EPHA6: variants seen among roughly 807,000 people sequenced by gnomAD.
EPHA6 encodes the protein ephrin type-A receptor 6.
A neutral mutation model predicts 112.0 loss-of-function variants in EPHA6; 50 were observed. The ratio of observed to expected loss-of-function variants is 0.45; its 90% CI spans 0.36 to 0.56. The LOEUF is 0.56. EPHA6 is among the 20% of genes least tolerant of loss of function. The probability of loss-of-function intolerance (pLI) is 0.00; values close to 1 mark genes in which losing one functional copy is unlikely to be tolerated. For missense variants in EPHA6, 1,280 were observed against 1,417.4 expected, an observed-to-expected ratio of 0.90 and a Z score of 1.56; for synonymous variants, 529 against 490.7, an observed-to-expected ratio of 1.08 and a Z score of -1.03.
chr3:96,915,013 G>A (rs546582967), intron 2 of EPHA6, among the ~76,000 whole-genome samples: 3 of 148,360 alleles, frequency 2.0e-5, no homozygotes, highest in Non-Finnish European at 4.4e-5. Flanking sequence ...AAATACTACT[G>A]TGATATTATT....
intron 3 of EPHA6, among the ~76,000 whole-genome samples, chr3:97,087,146 GA>G (rs1355841064): frequency 6.6e-6 from 1 of 152,134 alleles, no homozygotes; most frequent in Non-Finnish European, 1.5e-5. Context: ...TGGCCTAGAA[GA>G]GCAAGGATTC....
intron 3 of EPHA6, among the ~76,000 whole-genome samples, chr3:97,094,146 T>C (rs2047163549): frequency 6.6e-6 from 1 of 152,162 alleles, no homozygotes; most frequent in Non-Finnish European, 1.5e-5. Context: ...AAGTTTCTTT[T>C]ATTCCCTGTT....
chr3:97,602,131 T>TA (rs976844447), intron 12 of EPHA6, among the ~76,000 whole-genome samples: 16 of 152,160 alleles, frequency 1.1e-4, no homozygotes, highest in Non-Finnish European at 1.9e-4. Context: ...ATATGCCTCT[T>TA]ACAACTGAAA....
chr3:97,572,561 G>A (rs960218697), intron 11 of EPHA6: 4 of 152,082 alleles, frequency 2.6e-5, no homozygotes, highest in African/African-American at 9.7e-5. Flanking sequence ...TGAGCCCTTG[G>A]TTTGGTAATA....
intron 6 of EPHA6, among the ~76,000 whole-genome samples, chr3:97,435,876 A>T (rs1201237095): frequency 6.6e-6 from 1 of 152,110 alleles, no homozygotes. Flanking sequence ...GCCTTGAATT[A>T]CTCTACTCGC....
chr3:97,157,642 T>G (rs917678900), intron 3 of EPHA6, among the ~76,000 whole-genome samples: 2 of 152,034 alleles, frequency 1.3e-5, no homozygotes, highest in African/African-American at 4.8e-5. Context: ...GCCTATAGTG[T>G]AAATTCCAGT....
At chr3:96,948,706 T>C (rs1231947009) in intron 2 of EPHA6, among the ~76,000 whole-genome samples, 1 of 152,190 alleles carries the variant, frequency 6.6e-6, no homozygotes, top group Non-Finnish European at 1.5e-5. Context: ...TGTACGTATA[T>C]AGCAGATCTA....
intron 3 of EPHA6, among the ~76,000 whole-genome samples, chr3:96,995,340 G>A (rs986929646): frequency 2.6e-5 from 4 of 152,018 alleles, no homozygotes; most frequent in African/African-American, 9.7e-5. Context: ...CAGAAAAAAA[G>A]GGCAGATTTA....
At chr3:97,285,757 T>G (rs914545416) in intron 5 of EPHA6, among the ~76,000 whole-genome samples, 1 of 152,098 alleles carries the variant, frequency 6.6e-6, no homozygotes, top group Non-Finnish European at 1.5e-5. Context: ...TGCTACATCC[T>G]ATGGTAGTTC....
At chr3:97,137,428 C>T (rs1157456109) in intron 3 of EPHA6, among the ~76,000 whole-genome samples, 5 of 152,086 alleles carry the variant, frequency 3.3e-5, no homozygotes, top group African/African-American at 9.7e-5. Flanking sequence ...GAACAAATTA[C>T]TCTGCCTTTA....
chr3:97,462,163 G>A (rs141843579), intron 7 of EPHA6, among the ~76,000 whole-genome samples: 188 of 152,190 alleles, frequency 1.2e-3, no homozygotes, highest in African/African-American at 4.3e-3. Flanking sequence ...TTGTGCCTCA[G>A]TTTCTCCATC....
At chr3:97,728,919 T>A (rs1282175739) in intron 15 of EPHA6, among the ~76,000 whole-genome samples, 1 of 152,168 alleles carries the variant, frequency 6.6e-6, no homozygotes, top group Non-Finnish European at 1.5e-5. Flanking sequence ...CCTCATTTTG[T>A]CCACTCATTT....
chr3:96,893,455 T>C (rs1406547811), intron 2 of EPHA6, among the ~76,000 whole-genome samples: 11 of 152,318 alleles, frequency 7.2e-5, no homozygotes, highest in Middle Eastern at 6.8e-3. Context: ...CCATACCTAA[T>C]ATTCTCAGTA....
chr3:96,906,888 A>G (rs1575995125), intron 2 of EPHA6, among the ~76,000 whole-genome samples: 1 of 152,088 alleles, frequency 6.6e-6, no homozygotes, highest in East Asian at 1.9e-4. Flanking sequence ...CTGTAAGGAT[A>G]TGCTTATTGG....
intron 3 of EPHA6, among the ~76,000 whole-genome samples, chr3:97,095,171 TAAA>T (rs1314865240): frequency 6.6e-6 from 1 of 152,058 alleles, no homozygotes; most frequent in African/African-American, 2.4e-5. Flanking sequence ...GTAATATTGT[TAAA>T]AAGCATCCTG....
In EPHA6 at chr3:97,751,710, A is replaced by C. The variant is rs1399751556; in HGVS notation, c.*3009A>C. ...TTTAATATGCAAAGCATAAAACTTA[A>C]TTATAAAAAGAAAATAAGTAACTTC... On this transcript the variant is annotated 3_prime_UTR_variant, in exon 18 of 18. Coordinates refer to ENST00000389672, the MANE Select transcript of EPHA6 (RefSeq NM_001080448.3). Among the ~76,000 whole-genome samples, 1 of 152,146 alleles carries C rather than the reference A, an allele frequency of 6.6e-6. No individual in the cohort carries two copies. Among genetic ancestry groups the C allele is most frequent in the Non-Finnish European group, 1.5e-5 (1 of 67,968 alleles).
chr3:97,384,343 A>G (rs2085930508), intron 5 of EPHA6, among the ~76,000 whole-genome samples: 1 of 152,238 alleles, frequency 6.6e-6, no homozygotes, highest in Non-Finnish European at 1.5e-5. Flanking sequence ...ACCAGTGAGA[A>G]GCAATGCTGG....
At chr3:96,831,290 T>G (rs1255601181) in intron 1 of EPHA6, among the ~76,000 whole-genome samples, 1 of 152,134 alleles carries the variant, frequency 6.6e-6, no homozygotes, top group Non-Finnish European at 1.5e-5. Context: ...CTGTCTTGAT[T>G]AATGAGCAGT....
intron 5 of EPHA6, among the ~76,000 whole-genome samples, chr3:97,323,024 T>C (rs2082192772): frequency 6.6e-6 from 1 of 152,004 alleles, no homozygotes; most frequent in Admixed American, 6.6e-5. Flanking sequence ...ACAAAGAAAA[T>C]TGGACCCCTT....
Sources: allele counts gnomAD v4.1 joint callset (sites outside exome capture counted in the v4.1 genomes callset), GRCh38; gene constraint gnomAD v4.1.1; transcripts MANE v1.5; gene names NCBI Gene and HGNC (gene_info 2026-07-23, HGNC 2026-07-21).